The following ZNF185 variants were observed in gnomAD, a reference collection of about 807,000 sequenced individuals.
ZNF185 encodes zinc finger protein 185.
ZNF185 carries 56 observed loss-of-function variants against 58.6 expected under a neutral mutation model. The ratio of observed to expected loss-of-function variants is 0.95; its 90% CI spans 0.77 to 1.19. The LOEUF (loss-of-function observed/expected upper bound fraction) is 1.19. Among genes scored for constraint, ZNF185 ranks in the 50% most tolerant of loss-of-function variants. The pLI is 0.00. For synonymous variants in ZNF185, 230 were observed against 215.9 expected, an observed-to-expected ratio of 1.07 and a Z score of -0.57; for missense variants, 627 against 573.5, an observed-to-expected ratio of 1.09 and a Z score of -0.95.
upstream of ZNF185, among the ~76,000 whole-genome samples, chrX:152,911,338 G>A (rs192547409): frequency 1.8e-5 from 2 of 111,739 alleles, no homozygotes; most frequent in East Asian, 2.8e-4. Flanking sequence ...GTCGGCATTG[G>A]GGGGAAAGAG....
chrX:152,911,733 TC>T (rs1937331093), upstream of ZNF185, among the ~76,000 whole-genome samples: 1 of 43,741 alleles, frequency 2.3e-5, no homozygotes. Context: ...TCCCATCCCA[TC>T]CCATCACATC....
chrX:152,965,357 C>T (rs782090473), intron 18 of ZNF185, 90 bp from the exon 21 acceptor site: 1 of 828,928 alleles, frequency 1.2e-6, no homozygotes, highest in South Asian at 2.6e-5. Context: ...CAGGCTGGGT[C>T]TCCCCAGCCC....
At chrX:152,946,060 A>G (rs782139117) in intron 16 of ZNF185, among the ~76,000 whole-genome samples, 1 of 112,413 alleles carries the variant, frequency 8.9e-6, no homozygotes, top group South Asian at 3.7e-4. Flanking sequence ...TTGGTGTGAG[A>G]GTTTCAAGTC....
chrX:152,963,679 G>A (rs782118980), intron 17 of ZNF185, among the ~76,000 whole-genome samples, 160 bp from the exon 20 acceptor site: 1 of 112,178 alleles, frequency 8.9e-6, no homozygotes, highest in East Asian at 2.8e-4. Flanking sequence ...AACTCACCTA[G>A]CCTGGGTTTG....
upstream of ZNF185, among the ~76,000 whole-genome samples, chrX:152,910,548 TGCATA>T: frequency 8.9e-6 from 1 of 112,513 alleles, no homozygotes; most frequent in East Asian, 2.8e-4. Context: ...TTGTAATAGC[TGCATA>T]GTATTTGCTT....
rs80343056 is a variant in ZNF185 at position 152,941,732 on chromosome X, C to T, written c.1212-3535C>T. ...AAATGGCCGCCCGGGACGAGCTCGG[C>T]CTCGGCGGGGATTCTCTTGAGGCCA... On this transcript the variant is annotated intron_variant, in intron 15 of 22. Transcript: ENST00000449285. The T allele has an allele frequency of 3.2e-3, 3,768 of 1,163,617 alleles. 60 individuals are homozygous for T. In the African/African-American group the frequency reaches 0.055, roughly 17 times the overall value.
At chrX:152,968,961 C>T (rs1398327444) in intron 20 of ZNF185, among the ~76,000 whole-genome samples, 5 of 111,233 alleles carry the variant, frequency 4.5e-5, no homozygotes, top group African/African-American at 1.6e-4. Flanking sequence ...TTGGCCCAGG[C>T]GTGAGGAGAA....
chrX:152,942,958 CTATATA>C (rs1166396235), intron 15 of ZNF185, among the ~76,000 whole-genome samples: 1 of 111,356 alleles, frequency 9.0e-6, no homozygotes, highest in African/African-American at 3.3e-5. Context: ...TTATCTATAT[CTATATA>C]TGTATATGTA....
chrX:152,944,622 A>C (rs1243446754), intron 15 of ZNF185, among the ~76,000 whole-genome samples: 1 of 111,822 alleles, frequency 8.9e-6, no homozygotes, highest in Non-Finnish European at 1.9e-5. Flanking sequence ...GGGTGAGGCC[A>C]GGGAGGACCC....
chrX:152,912,459 T>C (rs1175400799), upstream of ZNF185, among the ~76,000 whole-genome samples: 12 of 111,870 alleles, frequency 1.1e-4, no homozygotes, highest in African/African-American at 3.6e-4. Flanking sequence ...TTCTAGGCAA[T>C]GTGGCCATCA....
chrX:152,913,307 G>A (rs1270286374), upstream of ZNF185, among the ~76,000 whole-genome samples: 1 of 112,428 alleles, frequency 8.9e-6, no homozygotes, highest in Admixed American at 9.3e-5. Context: ...CCAAGGGTTC[G>A]GCTGTGGCCA....
At chrX:152,915,538 C>A (rs1304282571) in intron 3 of ZNF185, among the ~76,000 whole-genome samples, 2 of 112,494 alleles carry the variant, frequency 1.8e-5, no homozygotes, top group African/African-American at 6.5e-5. Flanking sequence ...CCCACCCATT[C>A]CCTGCAGGGA....
chrX:152,914,513 C>T, exon 1 of ZNF185: 1 of 1,184,045 alleles, frequency 8.4e-7, no homozygotes, highest in Admixed American at 2.3e-5. Flanking sequence ...CTCTTGGAGG[C>T]CGCACCAAAG....
At position 152,922,223 on chromosome X, in the gene ZNF185, C is replaced by T. The variant is rs200363596; in HGVS notation, c.707C>T (p.Pro236Leu). 350 of 1,189,754 alleles carry T rather than the reference C, an allele frequency of 2.9e-4. 2 individuals are homozygous for T. In the African/African-American group the frequency reaches 5.5e-3, roughly 19 times the overall value. The change falls in exon 10 of 23, where the codon CCT (proline) becomes CTT (leucine). Residue 236 changes from proline (P) to leucine (L), a missense_variant. Pro to Leu is a moderately conservative substitution (Grantham distance 98). Coordinates refer to ENST00000449285, the Ensembl canonical transcript of ZNF185. Reference sequence around the variant, plus strand: ...CCTTCTGAGAAGAGCCAGGACCCACCTGCTCTGGCAAGATCCACTCCTGGC... The same window carrying T: ...CCTTCTGAGAAGAGCCAGGACCCACTTGCTCTGGCAAGATCCACTCCTGGC...
the ZNF185 span, among the ~76,000 whole-genome samples, chrX:152,905,321 C>T: frequency 8.9e-6 from 1 of 111,987 alleles, no homozygotes; most frequent in African/African-American, 3.3e-5. Context: ...CTGGGAGAAG[C>T]CACCTGCTGC....
chrX:152,935,006 T>C (rs1201671188), intron 14 of ZNF185, among the ~76,000 whole-genome samples: 10 of 109,188 alleles, frequency 9.2e-5, no homozygotes, highest in Admixed American at 2.9e-4. Flanking sequence ...GTATTTTTGG[T>C]AGAGACGAGG....
intron 21 of ZNF185, among the ~76,000 whole-genome samples, chrX:152,969,697 C>T (rs924849759): frequency 1.8e-5 from 2 of 112,213 alleles, no homozygotes; most frequent in African/African-American, 6.5e-5. Context: ...GTTGGTGGTT[C>T]TGCATGCTTA....
At chrX:152,899,883 T>TA in the ZNF185 span, among the ~76,000 whole-genome samples, 1 of 111,525 alleles carries the variant, frequency 9.0e-6, no homozygotes, top group African/African-American at 3.3e-5. Context: ...TGAAAGATCA[T>TA]AAACCACTTC....
intron 15 of ZNF185, among the ~76,000 whole-genome samples, chrX:152,939,983 G>C (rs142984351): frequency 0.018 from 1,991 of 109,992 alleles, 52 homozygotes; most frequent in African/African-American, 0.062. Flanking sequence ...GGGTTTCACT[G>C]TGTTGGCCAG....
Sources: allele counts gnomAD v4.1 joint callset (sites outside exome capture counted in the v4.1 genomes callset), GRCh38; gene constraint gnomAD v4.1.1; transcripts MANE v1.5; gene names NCBI Gene and HGNC (gene_info 2026-07-23, HGNC 2026-07-21).